Variants in AVEN observed in about 807,000 individuals in gnomAD.
The protein encoded by AVEN is apoptosis and caspase activation inhibitor.
A neutral mutation model predicts 38.1 loss-of-function variants in AVEN; 41 were observed. That is an observed-to-expected ratio of 1.08 (90% CI 0.84 to 1.40). The LOEUF (loss-of-function observed/expected upper bound fraction) is 1.40. Ranked by LOEUF, AVEN falls within the 40% of genes most tolerant of loss-of-function variation. AVEN has a pLI of 0.00. For synonymous variants in AVEN, 206 were observed against 171.8 expected (o/e 1.20, Z -1.56); for missense variants, 605 against 438.8 (o/e 1.38, Z -3.38).
intron 2 of AVEN, among the ~76,000 whole-genome samples, chr15:34,001,380 A>G (rs1277300019): frequency 2.0e-5 from 3 of 152,140 alleles, no homozygotes; most frequent in Non-Finnish European, 4.4e-5. Flanking sequence ...TTTGACAGAT[A>G]CTAGTAACTG....
chr15:33,856,386 C>G (rs932933864), downstream of AVEN: 3 of 152,278 alleles, frequency 2.0e-5, no homozygotes, highest in Admixed American at 6.5e-5. Flanking sequence ...AGCTCAATGC[C>G]TAGTCCTTGA....
At chr15:33,863,513 G>C (rs562821335), downstream of AVEN, among the ~76,000 whole-genome samples, 2 of 152,086 alleles carry the variant, frequency 1.3e-5, no homozygotes, top group Non-Finnish European at 2.9e-5. Flanking sequence ...CTTTGGAAAC[G>C]GTCTCTGAGA....
In AVEN at chr15:33,866,920, C is replaced by CACACCTTGCTAGTTGGTTTTT. The variant is rs1250526687; in HGVS notation, c.974-213_974-193dup. ...TGCTCTTTATTCTGAAGTTGAACTT[C>CACACCTTGCTAGTTGGTTTTT]ACACCTTGCTAGTTGGTTTTTTTTT... On this transcript the variant is annotated intron_variant, in intron 5 of 5. Transcript: ENST00000306730. Among the ~76,000 whole-genome samples, 4 of 151,846 alleles carry CACACCTTGCTAGTTGGTTTTT rather than the reference C, an allele frequency of 2.6e-5. No individual in the cohort carries two copies. The South Asian group carries it at 8.3e-4, about 32-fold the overall frequency.
At chr15:33,991,269 A>ATCT (rs1896710477) in intron 2 of AVEN, 1 of 152,212 alleles carries the variant, frequency 6.6e-6, no homozygotes, top group Non-Finnish European at 1.5e-5. Context: ...AGACCTTCTA[A>ATCT]CACTTTTCAA....
chr15:33,881,751 AG>A (rs2153038059), intron 2 of AVEN, among the ~76,000 whole-genome samples: 1 of 152,382 alleles, frequency 6.6e-6, no homozygotes, highest in East Asian at 1.9e-4. Context: ...ATGGACAATT[AG>A]AAACCTACTT....
At position 34,002,511 on chromosome 15, in the gene AVEN, G is replaced by A. The variant is rs968841414; in HGVS notation, c.445+521C>T. On this transcript the variant is annotated intron_variant, in intron 2 of 5. Coordinates refer to ENST00000306730, the MANE Select transcript of AVEN (RefSeq NM_020371.3). ...TCAATCTTAGATTACAGCTGATCAC[G>A]GAAAGGCTGGGTTTTTCACTTTATT... 3.8e-5 allele frequency among the ~76,000 whole-genome samples: 5 copies of A among 131,724 alleles called. No homozygotes were observed. The East Asian group carries it at 9.5e-4, about 25-fold the overall frequency. The allele number at this position is 131,724 out of a possible 152,430, so 86.4% of individuals were successfully genotyped here.
chr15:34,063,853 A>C lies in AVEN; in HGVS notation n.1127-421T>G, dbSNP rs143611760. 6.2e-6 allele frequency: 10 copies of C among 1,614,182 alleles called. No individual in the cohort carries two copies. Among genetic ancestry groups the C allele is most frequent in the Admixed American group, 1.7e-5 (1 of 60,010 alleles). ...CCCAAGAGTCAGAAATGTGTGGCCT[A>C]TAAGTTCCGATTGGTGGTAAAAGCT... is the stretch of plus-strand genomic sequence containing the variant. On this transcript the variant is annotated intron_variant and non_coding_transcript_variant, in intron 4 of 11. Coordinates refer to the AVEN transcript ENST00000675287. This position sits in a 1 kb window ranked among gnomAD's most constrained non-coding sequence, Gnocchi z 4.1.
chr15:33,869,027 C>T (rs1890823646), intron 4 of AVEN, among the ~76,000 whole-genome samples: 1 of 152,210 alleles, frequency 6.6e-6, no homozygotes, highest in African/African-American at 2.4e-5. Flanking sequence ...TCAACCTCTA[C>T]TGGAGGTCCT....
At chr15:33,918,609 A>G (rs919653145) in intron 2 of AVEN, among the ~76,000 whole-genome samples, 1 of 150,374 alleles carries the variant, frequency 6.7e-6, no homozygotes, top group Non-Finnish European at 1.5e-5. Flanking sequence ...CACACCACCA[A>G]GCCTGGCTAA....
At chr15:34,011,233 A>G (rs1045852623) in intron 1 of AVEN, among the ~76,000 whole-genome samples, 3 of 152,180 alleles carry the variant, frequency 2.0e-5, no homozygotes, top group Admixed American at 6.5e-5. Flanking sequence ...AAAAGGAAAA[A>G]AAGGCAGGGG....
intron 2 of AVEN, among the ~76,000 whole-genome samples, chr15:33,957,774 A>G (rs1437219519): frequency 6.6e-6 from 1 of 151,810 alleles, no homozygotes; most frequent in Non-Finnish European, 1.5e-5. Context: ...CCATTTGTGC[A>G]GTCCAGGAAT....
intron 2 of AVEN, among the ~76,000 whole-genome samples, chr15:33,893,713 C>A (rs1350041855): frequency 6.6e-6 from 1 of 152,190 alleles, no homozygotes; most frequent in East Asian, 1.9e-4. Flanking sequence ...CCTGAAGCAT[C>A]TTAAAGCTGG....
chr15:33,959,487 T>C (rs1027367054), intron 2 of AVEN, among the ~76,000 whole-genome samples: 1 of 152,052 alleles, frequency 6.6e-6, no homozygotes, highest in African/African-American at 2.4e-5. Flanking sequence ...CTCCCTACAC[T>C]TCAGTCATAG....
downstream of AVEN, among the ~76,000 whole-genome samples, chr15:33,863,076 C>T (rs541977904): frequency 6.6e-6 from 1 of 152,270 alleles, no homozygotes; most frequent in South Asian, 2.1e-4. Context: ...GGATGCTGTC[C>T]TTTGGGTTGG....
At chr15:34,047,179 G>A (rs1191085877) in intron 5 of AVEN, among the ~76,000 whole-genome samples, 11 of 151,476 alleles carry the variant, frequency 7.3e-5, no homozygotes, top group Non-Finnish European at 1.3e-4. Flanking sequence ...CCGGGTTCAC[G>A]CCATTCTCCT....
At chr15:33,893,406 C>T (rs1892074230) in intron 2 of AVEN, among the ~76,000 whole-genome samples, 1 of 152,138 alleles carries the variant, frequency 6.6e-6, no homozygotes, top group African/African-American at 2.4e-5. Flanking sequence ...ACCAGCCTTG[C>T]TTATATCAGA....
chr15:33,955,655 G>A (rs921510957), intron 2 of AVEN, among the ~76,000 whole-genome samples: 33 of 152,156 alleles, frequency 2.2e-4, no homozygotes, highest in African/African-American at 7.0e-4. Flanking sequence ...AATGTCGGGG[G>A]GATGGGAATT....
downstream of AVEN, chr15:33,857,731 G>T (rs2079843274): frequency 6.2e-7 from 1 of 1,609,766 alleles, no homozygotes; most frequent in East Asian, 2.2e-5. Context: ...AACCTTTCAA[G>T]GTAGAGAAGA....
At chr15:33,929,401 C>T (rs1893753333) in intron 2 of AVEN, among the ~76,000 whole-genome samples, 1 of 152,174 alleles carries the variant, frequency 6.6e-6, no homozygotes. Flanking sequence ...CACTGCATAG[C>T]TGTAGACAGT....
Sources: gnomAD v4.1 joint callset for allele counts (sites outside exome capture counted in the v4.1 genomes callset) on GRCh38, gnomAD v4.1.1 for gene constraint, Gnocchi (gnomAD v3.1) non-coding constraint, MANE v1.5 for transcripts, NCBI Gene and HGNC (gene_info 2026-07-23, HGNC 2026-07-21) for gene names.